Variants in ARL17A observed in about 807,000 individuals in gnomAD.
The protein encoded by ARL17A is ADP-ribosylation factor-like 17-like.
downstream of ARL17A, among the ~76,000 whole-genome samples, chr17:46,526,431 A>G (rs1225144813): frequency 3.9e-5 from 4 of 103,194 alleles, 2 homozygotes; most frequent in Non-Finnish European, 8.4e-5. Context: ...GATGATGAAT[A>G]GAGCCTAACC....
chr17:46,543,401 AAAG>A (rs1304302779), intron 3 of ARL17A, among the ~76,000 whole-genome samples: 1 of 150,946 alleles, frequency 6.6e-6, no homozygotes, highest in African/African-American at 2.5e-5. Context: ...GAAGGAGACT[AAAG>A]AATCATGTAC....
chr17:46,537,077 ATTTTTTTTT>A (rs766255014), intron 4 of ARL17A, among the ~76,000 whole-genome samples: 1,187 of 34,806 alleles, frequency 0.034, 23 homozygotes, highest in Middle Eastern at 0.071. Flanking sequence ...ATTGTGGTCA[ATTTTTTTTT>A]TTTTTTTTTT....
chr17:46,541,261 T>C (rs1318010931), intron 3 of ARL17A, among the ~76,000 whole-genome samples: 1 of 150,678 alleles, frequency 6.6e-6, no homozygotes, highest in Non-Finnish European at 1.5e-5. Flanking sequence ...AATTTTTTTT[T>C]TTGTTTTTGA....
At chr17:46,539,768 CAAAAAAAAA>C (rs1204528686) in intron 3 of ARL17A, among the ~76,000 whole-genome samples, 5 of 67,028 alleles carry the variant, frequency 7.5e-5, no homozygotes, top group East Asian at 3.6e-4. Flanking sequence ...GACTCCATCT[CAAAAAAAAA>C]AAAAAAAAAA....
intron 3 of ARL17A, among the ~76,000 whole-genome samples, chr17:46,542,514 G>GATAT (rs574096941): frequency 1.4e-5 from 2 of 146,196 alleles, no homozygotes; most frequent in African/African-American, 5.4e-5. Flanking sequence ...TTCTTTGCAG[G>GATAT]ATATATATAT....
chr17:46,558,455 C>G (rs879480468), intron 3 of ARL17A, among the ~76,000 whole-genome samples: 13 of 117,644 alleles, frequency 1.1e-4, no homozygotes, highest in Middle Eastern at 3.7e-3. Flanking sequence ...AGCGTGATCT[C>G]GGTTGACTGC....
chr17:46,544,956 G>A lies in ARL17A; in HGVS notation c.260-6530C>T, dbSNP rs1278508562. Among the ~76,000 whole-genome samples, 7 of 140,354 alleles carry A rather than the reference G, an allele frequency of 5.0e-5. 3 individuals carry two copies. The highest frequency in any genetic ancestry group is 1.1e-4 in the Non-Finnish European group (7 of 64,500). The allele number at this position is 140,354 out of a possible 152,430, so 92.1% of individuals were successfully genotyped here. On this transcript the variant is annotated intron_variant, in intron 3 of 4. Transcript: ENST00000329240. ...ACACTGGCATTTTTTAAGAGTCAAA[G>A]ATAGTTGTCTTGTAAATTGTCCCAC...
At chr17:46,558,912 A>C (rs1167423499) in intron 3 of ARL17A, 1 of 104,612 alleles carries the variant, frequency 9.6e-6, no homozygotes, top group Non-Finnish European at 1.8e-5. Flanking sequence ...TCCTGGCCTC[A>C]AGTGATCCTC....
At position 46,554,983 on chromosome 17, in the gene ARL17A, CAT is replaced by C; in HGVS notation, c.*2371_*2372del. The C allele has an allele frequency of 2.6e-6, 1 of 390,662 alleles. No homozygotes were observed. Among genetic ancestry groups the C allele is most frequent in the Non-Finnish European group, 3.9e-6 (1 of 258,000 alleles). 24.2% of individuals were successfully genotyped at this position (390,662 alleles called of 1,614,324 possible). A position where few individuals can be genotyped will look rare whatever the true frequency, so the allele number is the denominator to read the frequency against. On this transcript the variant is annotated 3_prime_UTR_variant, in exon 4 of 4. Transcript: ENST00000336125. Reference sequence around the variant, plus strand: ...ACATGGAGAGCTTCTGAAAGTCCCACATGCATGGAATTATTTTCAAGACCCCG... The same window carrying C: ...ACATGGAGAGCTTCTGAAAGTCCCACGCATGGAATTATTTTCAAGACCCCG...
intron 4 of ARL17A, among the ~76,000 whole-genome samples, chr17:46,532,172 T>G (rs1043768816): frequency 4.0e-5 from 6 of 149,452 alleles, no homozygotes; most frequent in African/African-American, 1.5e-4. Flanking sequence ...ATGCTGGGAT[T>G]ACAGGCATGA....
chr17:46,532,101 G>T (rs1333731160), intron 4 of ARL17A, among the ~76,000 whole-genome samples: 7 of 150,438 alleles, frequency 4.7e-5, no homozygotes, highest in Non-Finnish European at 7.4e-5. Context: ...GTTTCAGCAC[G>T]TTTATCAGGC....
chr17:46,542,062 G>A (rs1196938991), intron 3 of ARL17A, among the ~76,000 whole-genome samples: 2 of 138,288 alleles, frequency 1.4e-5, no homozygotes, highest in East Asian at 2.1e-4. Flanking sequence ...AGAGGTGGAG[G>A]TTGCAATGAG....
At chr17:46,569,396 CAT>C (rs1292582506) in intron 3 of ARL17A, among the ~76,000 whole-genome samples, 4 of 150,766 alleles carry the variant, frequency 2.7e-5, no homozygotes, top group Admixed American at 6.6e-5. Flanking sequence ...CACTAAAGGA[CAT>C]GTGAATAAAA....
At chr17:46,548,924 C>T (rs2056495527), downstream of ARL17A, 1 of 1,612,564 alleles carries the variant, frequency 6.2e-7, no homozygotes, top group African/African-American at 1.4e-5. Context: ...TCCAGCCCTG[C>T]AAAAGCCCTA....
intron 3 of ARL17A, among the ~76,000 whole-genome samples, chr17:46,545,256 ACT>A (rs1377211033): frequency 7.2e-6 from 1 of 138,706 alleles, no homozygotes; most frequent in Non-Finnish European, 1.5e-5. Context: ...ACATGGGGAA[ACT>A]CTGTCACTAC....
At chr17:46,521,127 GC>G (rs2052225107) in intron 3 of ARL17A, among the ~76,000 whole-genome samples, 1 of 74,542 alleles carries the variant, frequency 1.3e-5, no homozygotes, top group African/African-American at 4.1e-5. Flanking sequence ...AATAACGATC[GC>G]CCCAGCCCTG....
At chr17:46,501,179 G>A in the ARL17A span, among the ~76,000 whole-genome samples, 1 of 151,110 alleles carries the variant, frequency 6.6e-6, no homozygotes, top group South Asian at 2.1e-4. Context: ...ACCATGCCCA[G>A]CTATATTGAC....
At chr17:46,503,585 A>G in the ARL17A span, among the ~76,000 whole-genome samples, 1 of 127,210 alleles carries the variant, frequency 7.9e-6, no homozygotes, top group Admixed American at 7.9e-5. Flanking sequence ...GACATAAGAA[A>G]GAACTGGTGA....
chr17:46,530,485 CTG>C (rs1275293688), intron 4 of ARL17A, among the ~76,000 whole-genome samples: 1 of 127,722 alleles, frequency 7.8e-6, no homozygotes, highest in Non-Finnish European at 1.6e-5. Context: ...GCAGGACAAG[CTG>C]TGTGGCTCCC....
Sources: allele counts gnomAD v4.1 joint callset (sites outside exome capture counted in the v4.1 genomes callset), GRCh38; gene constraint gnomAD v4.1.1; transcripts MANE v1.5; gene names NCBI Gene and HGNC (gene_info 2026-07-23, HGNC 2026-07-21).